Variants in SLC12A6 observed in about 807,000 individuals in gnomAD.
SLC12A6 encodes the protein solute carrier family 12 member 6.
SLC12A6 carries 66 observed loss-of-function variants against 135.3 expected under a neutral mutation model. The observed-to-expected ratio is 0.49, with a 90% CI of 0.40 to 0.60. The LOEUF (loss-of-function observed/expected upper bound fraction) is 0.60. Ranked by LOEUF, SLC12A6 falls within the 20% of genes least tolerant of loss-of-function variation. The probability of loss-of-function intolerance (pLI) is 0.00; values close to 1 mark genes in which losing one functional copy is unlikely to be tolerated. For missense variants in SLC12A6, 1,058 were observed against 1,452.3 expected (o/e 0.73, Z 4.41); for synonymous variants, 513 against 508.8 (o/e 1.01, Z -0.11).
intron 2 of SLC12A6, among the ~76,000 whole-genome samples, chr15:34,330,439 G>A (rs1051422882): frequency 2.0e-5 from 3 of 152,170 alleles, no homozygotes; most frequent in African/African-American, 7.2e-5. Context: ...TTGGGAGGCT[G>A]AGGTGGGCTA....
At position 34,287,184 on chromosome 15, in the gene SLC12A6, C is replaced by T. The variant is rs1895147728; in HGVS notation, c.272-11795G>A. On this transcript the variant is annotated intron_variant, in intron 2 of 25. Transcript: ENST00000354181. Reference sequence around the variant, plus strand: ...TGTGTGATGTTCCCCTCCCTGTGTCCATGTGTTCTCATTGTTCAACTCCCA... The same window carrying T: ...TGTGTGATGTTCCCCTCCCTGTGTCTATGTGTTCTCATTGTTCAACTCCCA... Among the ~76,000 whole-genome samples the T allele has an allele frequency of 2.0e-5, 3 of 152,098 alleles. No individual in the cohort carries two copies. The South Asian group carries it at 6.2e-4, about 31-fold the overall frequency.
At chr15:34,315,695 T>C (rs1307775701) in intron 2 of SLC12A6, among the ~76,000 whole-genome samples, 1 of 152,136 alleles carries the variant, frequency 6.6e-6, no homozygotes, top group Non-Finnish European at 1.5e-5. Context: ...AGTCAAAAAT[T>C]CATGTGACGG....
chr15:34,241,468 T>A, intron 17 of SLC12A6, 131 bp from the exon 18 acceptor site: 1 of 652,260 alleles, frequency 1.5e-6, no homozygotes, highest in Non-Finnish European at 2.7e-6. Context: ...ATTAATGATT[T>A]ACATAATGTT....
intron 2 of SLC12A6, among the ~76,000 whole-genome samples, chr15:34,311,540 G>C (rs1018993326): frequency 2.0e-5 from 3 of 152,114 alleles, no homozygotes; most frequent in Non-Finnish European, 2.9e-5. Flanking sequence ...CTTCTTATTA[G>C]TAAAAAGCTA....
intron 2 of SLC12A6, among the ~76,000 whole-genome samples, chr15:34,294,026 T>G (rs1276746513): frequency 6.6e-6 from 1 of 152,262 alleles, no homozygotes; most frequent in Non-Finnish European, 1.5e-5. Flanking sequence ...AATTCACCAA[T>G]CATTTTGTAA....
At chr15:34,287,770 T>C (rs2140950294) in intron 2 of SLC12A6, among the ~76,000 whole-genome samples, 1 of 152,380 alleles carries the variant, frequency 6.6e-6, no homozygotes, top group South Asian at 2.1e-4. Flanking sequence ...GCTGCATAAA[T>C]GTCTTCTTTT....
At chr15:34,287,639 G>A (rs1895191687) in intron 2 of SLC12A6, among the ~76,000 whole-genome samples, 1 of 152,204 alleles carries the variant, frequency 6.6e-6, no homozygotes, top group African/African-American at 2.4e-5. Context: ...TCCAGCATGT[G>A]TTGTTTCCTG....
intron 1 of SLC12A6, chr15:34,336,959 T>C (rs556070668): frequency 2.2e-6 from 1 of 463,266 alleles, no homozygotes; most frequent in African/African-American, 2.0e-5. Context: ...GTGACTTCTT[T>C]CCTTCAGAAT....
At position 34,291,331 on chromosome 15, in the gene SLC12A6, G is replaced by C. The variant is rs1895511736; in HGVS notation, c.272-15942C>G. Among the ~76,000 whole-genome samples, 4 of 152,316 alleles carry C rather than the reference G, an allele frequency of 2.6e-5. No individual in the cohort carries two copies. The South Asian group carries it at 8.3e-4, about 32-fold the overall frequency. On this transcript the variant is annotated intron_variant, in intron 2 of 25. Transcript: ENST00000354181. Reference sequence around the variant, plus strand: ...GGCTCCCACTCTCTTCTGGCTTGTAGGGTTTCTGCTGAGAGATGCACTGTT... The same window carrying C: ...GGCTCCCACTCTCTTCTGGCTTGTACGGTTTCTGCTGAGAGATGCACTGTT...
chr15:34,278,354 G>A (rs1015755196), intron 2 of SLC12A6, among the ~76,000 whole-genome samples: 19 of 152,072 alleles, frequency 1.2e-4, no homozygotes, highest in African/African-American at 4.1e-4. Context: ...TTGAACCCAG[G>A]AGGTGGAGGT....
chr15:34,292,538 G>T (rs28807170), intron 2 of SLC12A6, among the ~76,000 whole-genome samples: 4,158 of 152,260 alleles, frequency 0.027, 194 homozygotes, highest in African/African-American at 0.095. Flanking sequence ...GTCCAGGAGG[G>T]ACGTTTAAGT....
chr15:34,298,860 A>G (rs1240963587), intron 2 of SLC12A6, among the ~76,000 whole-genome samples: 3 of 152,134 alleles, frequency 2.0e-5, no homozygotes, highest in Non-Finnish European at 4.4e-5. Context: ...CATCCTTTTC[A>G]GCTTAGACCA....
At chr15:34,308,353 G>C (rs369383852) in intron 2 of SLC12A6, among the ~76,000 whole-genome samples, 1 of 152,068 alleles carries the variant, frequency 6.6e-6, no homozygotes, top group Non-Finnish European at 1.5e-5. Context: ...GGTTGGGCAC[G>C]GTGGCTCATG....
chr15:34,303,615 T>C (rs1173341213), intron 2 of SLC12A6, among the ~76,000 whole-genome samples: 1 of 152,164 alleles, frequency 6.6e-6, no homozygotes, highest in African/African-American at 2.4e-5. Flanking sequence ...TAATCCCCAA[T>C]GCAACATCAC....
intron 3 of SLC12A6, among the ~76,000 whole-genome samples, chr15:34,273,882 G>GTT (rs879337737): frequency 2.7e-5 from 4 of 146,202 alleles, no homozygotes; most frequent in East Asian, 2.0e-4. Flanking sequence ...AATAATACCT[G>GTT]TTTTTTTTTT....
intron 2 of SLC12A6, among the ~76,000 whole-genome samples, chr15:34,319,432 C>A (rs778660427): frequency 6.6e-6 from 1 of 151,966 alleles, no homozygotes; most frequent in Admixed American, 6.6e-5. Flanking sequence ...CGTGAGCCAC[C>A]GTGCCCAGCC....
intron 2 of SLC12A6, among the ~76,000 whole-genome samples, chr15:34,280,591 C>T (rs1595488752): frequency 1.3e-5 from 2 of 152,084 alleles, no homozygotes; most frequent in South Asian, 4.1e-4. Context: ...ACTAGTATAG[C>T]CACTAAGGAG....
At position 34,294,390 on chromosome 15, in the gene SLC12A6, T is replaced by C. The variant is rs866201475; in HGVS notation, c.272-19001A>G. On this transcript the variant is annotated intron_variant, in intron 2 of 25. Coordinates refer to ENST00000354181, the MANE Select transcript of SLC12A6 (RefSeq NM_001365088.1). ...TGGGATCACAGGCACTCACCACCTG[T>C]GATCCAAAATGTGATACAAAAATGC... 2.2e-4 allele frequency among the ~76,000 whole-genome samples: 33 copies of C among 151,928 alleles called. No homozygotes were observed. The Middle Eastern group carries it at 0.01, about 47-fold the overall frequency.
At chr15:34,260,746 T>C (rs559291500) in intron 4 of SLC12A6, among the ~76,000 whole-genome samples, 180 bp downstream of exon 4, 4 of 152,332 alleles carry the variant, frequency 2.6e-5, no homozygotes, top group African/African-American at 9.6e-5. Flanking sequence ...TTTGATTTAA[T>C]AGTTACTCAC....
Sources: allele counts gnomAD v4.1 joint callset (sites outside exome capture counted in the v4.1 genomes callset), GRCh38; gene constraint gnomAD v4.1.1; transcripts MANE v1.5; gene names NCBI Gene and HGNC (gene_info 2026-07-23, HGNC 2026-07-21).